Variants in RFXANK observed in about 807,000 individuals in gnomAD.
RFXANK encodes the protein DNA-binding protein RFXANK.
RFXANK carries 19 observed loss-of-function variants against 34.5 expected under a neutral mutation model. That is an observed-to-expected ratio of 0.55 (90% CI 0.38 to 0.81). The LOEUF is 0.81. RFXANK is among the 30% of genes least tolerant of loss of function. RFXANK has a pLI of 0.00. For synonymous variants in RFXANK, 154 were observed against 149.8 expected (o/e 1.03, Z -0.20); for missense variants, 295 against 343.5 (o/e 0.86, Z 1.12).
At chr19:19,195,845 C>T (rs930983712) in intron 3 of RFXANK, among the ~76,000 whole-genome samples, 6 of 147,386 alleles carry the variant, frequency 4.1e-5, no homozygotes, top group Non-Finnish European at 1.5e-5. Flanking sequence ...TGGATTCAAG[C>T]GATTCTCCTG....
At chr19:19,193,540 C>T (rs758170282) in intron 2 of RFXANK, among the ~76,000 whole-genome samples, 1 of 151,768 alleles carries the variant, frequency 6.6e-6, no homozygotes. Context: ...CTCAGCCTCC[C>T]GAGTAGCTGG....
intron 3 of RFXANK, 74 bp from the exon 4 acceptor site, chr19:19,196,889 A>G: frequency 7.2e-7 from 1 of 1,380,942 alleles, no homozygotes; most frequent in East Asian, 2.3e-5. Flanking sequence ...ACAAAAAAAA[A>G]CAGATGGGCT....
At chr19:19,195,687 G>A (rs1001091270) in intron 3 of RFXANK, among the ~76,000 whole-genome samples, 2 of 151,294 alleles carry the variant, frequency 1.3e-5, no homozygotes, top group African/African-American at 4.9e-5. Context: ...GTCTAAGAAG[G>A]ACTTATTCCT....
chr19:19,192,745 C>T (rs1295421839), intron 1 of RFXANK, 191 bp downstream of exon 1: 2 of 152,714 alleles, frequency 1.3e-5, no homozygotes, highest in East Asian at 1.9e-4. Flanking sequence ...CCATTCCCTC[C>T]GAGTCGGTGA....
intron 7 of RFXANK, 136 bp downstream of exon 7, chr19:19,198,368 A>G: frequency 7.3e-7 from 1 of 1,362,172 alleles, no homozygotes; most frequent in Non-Finnish European, 1.0e-6. Context: ...CCAGCCTCAC[A>G]GAGCAGAGCT....
Position 19,192,436 on chromosome 19 carries a change from C to T in RFXANK, c.-268C>T, listed in dbSNP as rs2146447296. 1 of 469,118 alleles carries T rather than the reference C, an allele frequency of 2.1e-6. No individual in the cohort carries two copies. Among genetic ancestry groups the T allele is most frequent in the South Asian group, 2.7e-5 (1 of 37,486 alleles). 29.1% of individuals were successfully genotyped at this position (469,118 alleles called of 1,614,324 possible). ...TCCTTGAGAGACGAGTTGGGGGAGT[C>T]CTCCACGCATTACCCACTCGGGCCG... On this transcript the variant is annotated 5_prime_UTR_variant, in exon 1 of 10. Transcript: ENST00000303088.
intron 6 of RFXANK, 191 bp downstream of exon 6, chr19:19,197,812 C>A: frequency 1.5e-6 from 1 of 658,916 alleles, no homozygotes; most frequent in Non-Finnish European, 2.6e-6. Context: ...AGTTCAAGAC[C>A]AGCCCGGCCA....
chr19:19,195,405 C>T (rs769120985), intron 3 of RFXANK, among the ~76,000 whole-genome samples: 1 of 152,014 alleles, frequency 6.6e-6, no homozygotes, highest in Non-Finnish European at 1.5e-5. Context: ...ACTCCCTCTC[C>T]TGGGTTAAGG....
chr19:19,200,358 A>G (rs1410669917), intron 9 of RFXANK, among the ~76,000 whole-genome samples: 1 of 150,682 alleles, frequency 6.6e-6, no homozygotes, highest in Non-Finnish European at 1.5e-5. Flanking sequence ...TTATATTTTT[A>G]GTAGAGACGG....
chr19:19,201,842 G>A lies in RFXANK; in HGVS notation c.*123G>A, dbSNP rs1427134225. ...GGTGGGAGGGGACCCTTCCCAAGAG[G>A]AACCAATAAACCTTCTGTGCAGAAT... On this transcript the variant is annotated 3_prime_UTR_variant, in exon 10 of 10. Transcript: ENST00000303088. 7.4e-6 allele frequency: 12 copies of A among 1,611,430 alleles called. No individual in the cohort carries two copies. Among genetic ancestry groups the A allele is most frequent in the South Asian group, 2.2e-5 (2 of 90,774 alleles).
At chr19:19,197,455 T>C in intron 5 of RFXANK, 66 bp from the exon 6 acceptor site, 1 of 1,508,536 alleles carries the variant, frequency 6.6e-7, no homozygotes, top group Non-Finnish European at 9.1e-7. Context: ...CTCGTCCCCA[T>C]TTGGCAGCAC....
intron 2 of RFXANK, among the ~76,000 whole-genome samples, chr19:19,193,441 CAG>C (rs1255668875): frequency 2.7e-5 from 3 of 111,134 alleles, no homozygotes; most frequent in African/African-American, 7.0e-5. Context: ...TTTTTTGAGA[CAG>C]AGTCTTGCTC....
chr19:19,193,840 C>T (rs2060544158), intron 2 of RFXANK, 99 bp from the exon 3 acceptor site: 4 of 1,364,148 alleles, frequency 2.9e-6, no homozygotes, highest in Admixed American at 3.4e-5. Flanking sequence ...CCTCAGTTTA[C>T]CCACCCTCAC....
chr19:19,197,576 C>T lies in RFXANK; in HGVS notation c.393C>T (p.Ala131=), dbSNP rs768102688. ...DERGFTPLIW[A]SAFGEIETVR... ...GCGGCTTCACCCCCCTCATCTGGGC[C>T]TCCGCCTTTGGAGAGATTGAGACCG... Residue 131 remains alanine, a synonymous_variant, in exon 6 of 10, where the codon GCC becomes GCT. Transcript: ENST00000303088. The T allele has an allele frequency of 2.5e-6, 4 of 1,613,938 alleles. No homozygotes were observed. The East Asian group carries it at 8.9e-5, about 36-fold the overall frequency.
chr19:19,197,088 G>A, intron 4 of RFXANK, 42 bp downstream of exon 4: 5 of 1,612,350 alleles, frequency 3.1e-6, no homozygotes, highest in East Asian at 2.2e-5. Context: ...GGAGTAGGAG[G>A]GTGGGAGGGC....
intron 8 of RFXANK, chr19:19,198,947 C>T: frequency 2.7e-6 from 2 of 749,436 alleles, no homozygotes; most frequent in Middle Eastern, 2.2e-4. Context: ...CACCTCCATC[C>T]TCCATGGTTC....
chr19:19,200,476 G>C (rs1002417973), intron 9 of RFXANK, among the ~76,000 whole-genome samples: 3 of 151,380 alleles, frequency 2.0e-5, no homozygotes, highest in Non-Finnish European at 4.4e-5. Context: ...ACGCCTGGCT[G>C]TGTTGTTGTT....
chr19:19,199,996 T>G (rs1195213102), intron 9 of RFXANK, among the ~76,000 whole-genome samples: 2 of 151,616 alleles, frequency 1.3e-5, no homozygotes, highest in South Asian at 2.1e-4. Context: ...TTTCGGGGGG[T>G]TTGTTTTTTT....
At chr19:19,197,766 T>G (rs1243513885) in intron 6 of RFXANK, 145 bp downstream of exon 6, 4 of 777,790 alleles carry the variant, frequency 5.1e-6, no homozygotes, top group Non-Finnish European at 8.4e-6. Flanking sequence ...CCCAGCACTT[T>G]GGGAGGCCGA....
Sources: gnomAD v4.1 joint callset for allele counts (sites outside exome capture counted in the v4.1 genomes callset) on GRCh38, gnomAD v4.1.1 for gene constraint, MANE v1.5 for transcripts, NCBI Gene and HGNC (gene_info 2026-07-23, HGNC 2026-07-21) for gene names.